VPS13C: variants seen among roughly 807,000 people sequenced by gnomAD.
The protein encoded by VPS13C is vacuolar protein sorting 13 homolog C.
A neutral mutation model predicts 456.8 loss-of-function variants in VPS13C; 358 were observed. The ratio of observed to expected loss-of-function variants is 0.78; its 90% CI spans 0.72 to 0.86. The LOEUF (loss-of-function observed/expected upper bound fraction) is 0.86, where lower values mean the gene tolerates loss of function less well. Ranked by LOEUF, VPS13C falls within the 40% of genes least tolerant of loss-of-function variation. The pLI is 0.00. For missense variants in VPS13C, 4,818 were observed against 4,385.4 expected, an observed-to-expected ratio of 1.10 and a Z score of -2.79; for synonymous variants, 1,578 against 1,486.7, an observed-to-expected ratio of 1.06 and a Z score of -1.41.
intron 14 of VPS13C, among the ~76,000 whole-genome samples, chr15:62,008,279 AC>A (rs535425601): frequency 6.6e-6 from 1 of 151,778 alleles, no homozygotes; most frequent in East Asian, 1.9e-4. Context: ...CACACCCCGT[AC>A]CCCCAGCTAC....
Position 61,959,599 on chromosome 15 carries a change from C to T in VPS13C, c.3909-4G>A, listed in dbSNP as rs1057154957. 33 of 1,604,664 alleles carry T rather than the reference C, an allele frequency of 2.1e-5. No homozygotes were observed. The highest frequency in any genetic ancestry group is 4.0e-5 in the African/African-American group (3 of 74,512). The stretch of plus-strand genomic sequence containing the variant: ...GATGCCTGGCTGGATCACTGTCCTA[C>T]GAAAAACAGAAATGTTACATAATGC... On this transcript the variant is annotated splice_polypyrimidine_tract_variant and splice_region_variant and intron_variant, in intron 35 of 84. Coordinates refer to ENST00000644861, the MANE Select transcript of VPS13C (RefSeq NM_020821.3).
Position 61,977,109 on chromosome 15 carries a change from A to G in VPS13C, c.2381T>C (p.Met794Thr). 1 of 1,602,110 alleles carries G rather than the reference A, an allele frequency of 6.2e-7. No individual in the cohort carries two copies. The highest frequency in any genetic ancestry group is 8.5e-7 in the Non-Finnish European group (1 of 1,174,598). ...MDIHVELAKA[M>T]VEKDIRMARF... is the part of the protein sequence containing the mutation. ...GGCCATTCTAATGTCTTTTTCTACC[A>G]TGGCCTTAGCCAACTCAACATGAAT... is the stretch of plus-strand genomic sequence containing the variant. Residue 794 changes from methionine (M) to threonine (T), a missense_variant, in exon 24 of 85, where the codon ATG (methionine) becomes ACG (threonine). Met to Thr is a moderately conservative substitution (Grantham distance 81). Coordinates refer to ENST00000644861, the MANE Select transcript of VPS13C (RefSeq NM_020821.3).
At chr15:61,979,852 T>C (rs1318382261) in intron 22 of VPS13C, among the ~76,000 whole-genome samples, 1 of 151,952 alleles carries the variant, frequency 6.6e-6, no homozygotes, top group Non-Finnish European at 1.5e-5. Context: ...AAGTGTGGGA[T>C]CAAGATCAGA....
At position 61,991,711 on chromosome 15, in the gene VPS13C, T is replaced by A. The variant is rs1265083899; in HGVS notation, c.1445A>T (p.Glu482Val). The A allele has an allele frequency of 1.9e-6, 3 of 1,612,828 alleles. No homozygotes were observed. The highest frequency in any genetic ancestry group is 2.5e-6 in the Non-Finnish European group (3 of 1,179,304). ...TGATTCTTCGTCCTTTTTCTTAGAC[T>A]CTTTCTTACCCCACAACCCACTAAA... is the stretch of plus-strand genomic sequence containing the variant. ...GWFSGLWGKK[E>V]SKKKDEESLI... Residue 482 changes from glutamate (E) to valine (V), a missense_variant, in exon 17 of 85, where the codon GAG becomes GTG. This residue lies in a region of VPS13C where 4,552 missense variants were observed against 4,130.6 expected (regional missense o/e 1.10). Coordinates refer to ENST00000644861, the MANE Select transcript of VPS13C (RefSeq NM_020821.3).
rs1464416526 is a variant in VPS13C at position 62,035,028 on chromosome 15, C to G, written c.212G>C (p.Trp71Ser). 4 of 1,606,842 alleles carry G rather than the reference C, an allele frequency of 2.5e-6. No individual in the cohort carries two copies. Among genetic ancestry groups the G allele is most frequent in the Non-Finnish European group, 3.4e-6 (4 of 1,175,760 alleles). The stretch of plus-strand genomic sequence containing the variant: ...AACTGCTTCTCCATAAAGGTTCTTC[C>G]AAGGAATCTTCAAAGTTAATTTATC... ...QIDKLTLKIP[W>S]KNLYGEAVVA... The change falls in exon 4 of 85, where the codon TGG (tryptophan) becomes TCG (serine). Residue 71 changes from tryptophan (W) to serine (S), a missense_variant. This residue lies in a region of VPS13C where 4,552 missense variants were observed against 4,130.6 expected (regional missense o/e 1.10). Transcript: ENST00000644861.
intron 66 of VPS13C, among the ~76,000 whole-genome samples, chr15:61,903,719 C>T (rs150899198): frequency 6.6e-6 from 1 of 152,240 alleles, no homozygotes; most frequent in Non-Finnish European, 1.5e-5. Flanking sequence ...CTGAACACAT[C>T]ACACTGACTG....
intron 66 of VPS13C, among the ~76,000 whole-genome samples, chr15:61,903,598 C>T (rs971014978): frequency 6.6e-6 from 1 of 152,074 alleles, no homozygotes; most frequent in Non-Finnish European, 1.5e-5. Context: ...ATCTACAAGA[C>T]CAATGCAATC....
chr15:61,977,098 C>A lies in VPS13C; in HGVS notation c.2392G>T (p.Asp798Tyr). ...ATACATTACCTGGCCATTCTAATGT[C>A]TTTTTCTACCATGGCCTTAGCCAAC... ...VELAKAMVEK[D>Y]IRMARFKVSG... is the part of the protein sequence containing the mutation. The change falls in exon 24 of 85, where the codon GAC becomes TAC. Residue 798 changes from aspartate (D) to tyrosine (Y), a missense_variant. Physicochemically the swap from Asp to Tyr is radical, Grantham distance 160. Transcript: ENST00000644861. The A allele has an allele frequency of 6.3e-7, 1 of 1,599,074 alleles. No homozygotes were observed. Among genetic ancestry groups the A allele is most frequent in the Non-Finnish European group, 8.5e-7 (1 of 1,173,056 alleles).
Position 61,853,666 on chromosome 15 carries a change from A to G in VPS13C, c.*791T>C, listed in dbSNP as rs1831044229. The G allele has an allele frequency of 6.6e-6, 1 of 152,168 alleles. No homozygotes were observed. Among genetic ancestry groups the G allele is most frequent in the Admixed American group, 6.5e-5 (1 of 15,278 alleles). 9.4% of individuals were successfully genotyped at this position (152,168 alleles called of 1,614,324 possible). On this transcript the variant is annotated 3_prime_UTR_variant, in exon 85 of 85. Coordinates refer to ENST00000644861, the MANE Select transcript of VPS13C (RefSeq NM_020821.3). ...TCTTCATTCAATTACCTGGTTTACCAAGAATGTTAACTCAGTTCAATTATT... is the reference window on the plus strand; with the variant it reads ...TCTTCATTCAATTACCTGGTTTACCGAGAATGTTAACTCAGTTCAATTATT...
chr15:62,005,647 G>A (rs1009682460), intron 15 of VPS13C, among the ~76,000 whole-genome samples: 25 of 150,960 alleles, frequency 1.7e-4, no homozygotes, highest in African/African-American at 4.9e-4. Context: ...ATTTTGCAGC[G>A]GCTGGTACCG....
chr15:61,897,048 G>A lies in VPS13C; in HGVS notation c.9106-6648C>T, dbSNP rs1319436668. The stretch of plus-strand genomic sequence containing the variant: ...AGACCTGCAGCTGAGGGTCCTGTCT[G>A]TTAGAAGGAAAACTAACAAACAGAA... On this transcript the variant is annotated intron_variant, in intron 66 of 84. Coordinates refer to ENST00000644861, the MANE Select transcript of VPS13C (RefSeq NM_020821.3). Among the ~76,000 whole-genome samples the A allele has an allele frequency of 1.1e-4, 16 of 152,282 alleles. No individual in the cohort carries two copies. The East Asian group carries it at 2.9e-3, about 28-fold the overall frequency.
At chr15:62,024,997 A>G (rs2047586657) in intron 6 of VPS13C, among the ~76,000 whole-genome samples, 1 of 152,086 alleles carries the variant, frequency 6.6e-6, no homozygotes, top group Non-Finnish European at 1.5e-5. Flanking sequence ...CAGGGCCTGT[A>G]CCTTACACAG....
chr15:62,004,035 A>C (rs2046736914), intron 15 of VPS13C, among the ~76,000 whole-genome samples: 1 of 152,194 alleles, frequency 6.6e-6, no homozygotes, highest in Non-Finnish European at 1.5e-5. Context: ...CTGGACTCAT[A>C]AAATGAGTTA....
chr15:62,045,140 A>G (rs924867908), intron 1 of VPS13C, among the ~76,000 whole-genome samples: 2 of 152,160 alleles, frequency 1.3e-5, no homozygotes, highest in Non-Finnish European at 2.9e-5. Context: ...CCCAGATCTC[A>G]AAATTATTAA....
At chr15:61,936,507 C>T (rs1300645082) in intron 48 of VPS13C, 90 bp downstream of exon 48, 1 of 1,292,374 alleles carries the variant, frequency 7.7e-7, no homozygotes, top group Non-Finnish European at 1.0e-6. Flanking sequence ...GTTCATACCA[C>T]ATTGTGCTGG....
In VPS13C at chr15:61,873,373, G is replaced by A. The variant is rs1401845556; in HGVS notation, c.10451C>T (p.Ser3484Phe). ...AAGVVSRITG[S>F]VGKGLAAITM... The stretch of plus-strand genomic sequence containing the variant: ...AATTGCTGCCAAACCTTTCCCAACA[G>A]AACCGGTGATTCGAGATACAACTCC... Residue 3484 changes from serine (S) to phenylalanine (F), a missense_variant, in exon 78 of 85, where the codon TCT (serine) becomes TTT (phenylalanine). Coordinates refer to ENST00000644861, the MANE Select transcript of VPS13C (RefSeq NM_020821.3). The A allele has an allele frequency of 6.2e-7, 1 of 1,613,602 alleles. No individual in the cohort carries two copies.
intron 66 of VPS13C, 146 bp downstream of exon 66, chr15:61,907,118 G>C (rs2140134538): frequency 9.1e-7 from 1 of 1,092,932 alleles, no homozygotes; most frequent in Non-Finnish European, 1.4e-6. Context: ...TACAGTATTT[G>C]CCATCTAAAG....
intron 65 of VPS13C, among the ~76,000 whole-genome samples, chr15:61,907,979 A>G (rs2043197602): frequency 1.3e-5 from 2 of 152,186 alleles, no homozygotes; most frequent in Admixed American, 1.3e-4. Flanking sequence ...CAAAAAAATT[A>G]TGTTCACACT....
chr15:61,926,907 T>C (rs1218210399), intron 52 of VPS13C, among the ~76,000 whole-genome samples, 184 bp downstream of exon 52: 1 of 152,244 alleles, frequency 6.6e-6, no homozygotes, highest in Non-Finnish European at 1.5e-5. Flanking sequence ...TCCCCAGTTC[T>C]GTCACTAGCA....
Sources: gnomAD v4.1 joint callset for allele counts (sites outside exome capture counted in the v4.1 genomes callset) on GRCh38, gnomAD v4.1.1 for gene constraint, gnomAD v4.1.1 regional missense constraint, MANE v1.5 for transcripts, NCBI Gene and HGNC (gene_info 2026-07-23, HGNC 2026-07-21) for gene names.